Variants in FN1 observed in about 807,000 individuals in gnomAD.
FN1 encodes fibronectin 1.
FN1 carries 106 observed loss-of-function variants against 297.3 expected under a neutral mutation model. The observed-to-expected ratio is 0.36, with a 90% CI of 0.30 to 0.42. The LOEUF (loss-of-function observed/expected upper bound fraction) is 0.42, where lower values mean the gene tolerates loss of function less well. Among genes scored for constraint, FN1 ranks in the 10% least tolerant of loss-of-function variants. The pLI is 1.00. For synonymous variants in FN1, 1,149 were observed against 1,152.6 expected, an observed-to-expected ratio of 1.00 and a Z score of 0.06; for missense variants, 2,690 against 3,124.9, an observed-to-expected ratio of 0.86 and a Z score of 3.32.
chr2:215,376,218 C>A (rs562786307), intron 36 of FN1, among the ~76,000 whole-genome samples: 263 of 152,138 alleles, frequency 1.7e-3, no homozygotes, highest in Non-Finnish European at 2.8e-3. Context: ...TAGTTTTAAA[C>A]CTTATGTTAC....
At chr2:215,377,091 T>A (rs1255099331) in intron 35 of FN1, among the ~76,000 whole-genome samples, 5 of 151,732 alleles carry the variant, frequency 3.3e-5, no homozygotes, top group African/African-American at 7.3e-5. Flanking sequence ...AGTGTGTGTG[T>A]GTGTGTGTGT....
chr2:215,399,875 TAGA>T (rs2060788476), intron 20 of FN1, among the ~76,000 whole-genome samples: 1 of 152,156 alleles, frequency 6.6e-6, no homozygotes, highest in Non-Finnish European at 1.5e-5. Flanking sequence ...TGGTAAATTA[TAGA>T]AGGTGATCTA....
intron 25 of FN1, chr2:215,392,341 T>C (rs1203972473): frequency 5.5e-6 from 1 of 182,172 alleles, no homozygotes; most frequent in East Asian, 1.5e-4. Flanking sequence ...GCAGAGAACC[T>C]TTAAAATGTT....
chr2:215,386,564 A>ATC (rs2059023304), intron 28 of FN1, 125 bp downstream of exon 28: 1 of 731,636 alleles, frequency 1.4e-6, no homozygotes, highest in African/African-American at 2.0e-5. Context: ...CATGACAATG[A>ATC]TCTATTTTTT....
chr2:215,433,240 A>G, intron 3 of FN1, 84 bp downstream of exon 3: 1 of 1,544,760 alleles, frequency 6.5e-7, no homozygotes, highest in East Asian at 2.2e-5. Flanking sequence ...ATATCCAGTC[A>G]TGGATAACAG....
At chr2:215,377,672 T>A (rs1185674304) in intron 35 of FN1, among the ~76,000 whole-genome samples, 6 of 152,208 alleles carry the variant, frequency 3.9e-5, no homozygotes, top group Non-Finnish European at 8.8e-5. Context: ...CGGTATTTCT[T>A]TATAGTAATG....
intron 12 of FN1, among the ~76,000 whole-genome samples, chr2:215,418,401 G>A (rs544121301): frequency 3.9e-5 from 6 of 152,274 alleles, no homozygotes; most frequent in African/African-American, 1.2e-4. Flanking sequence ...TTATCACAGA[G>A]TTAATCTTAA....
rs776018313 is a variant in FN1, at chr2:215,424,239, T to C, written c.1123A>G (p.Thr375Ala). 2 of 1,614,150 alleles carry C rather than the reference T, an allele frequency of 1.2e-6. No homozygotes were observed. Among genetic ancestry groups the C allele is most frequent in the Non-Finnish European group, 1.7e-6 (2 of 1,179,962 alleles). Residue 375 changes from threonine (T) to alanine (A), a missense_variant, in exon 8 of 46, where the codon ACC becomes GCC. Thr to Ala is a moderately conservative substitution (Grantham distance 58). This residue lies in a region of FN1 where 876 missense variants were observed against 1,058.1 expected (regional missense o/e 0.83). Transcript: ENST00000354785. Reference protein sequence around the residue: ...TYNGRTFYSCTTEGRQDGHLW... With the variant: ...TYNGRTFYSCATEGRQDGHLW... ...TGTCCGTCCTGTCGCCCTTCTGTGG[T>C]GCAGGAGTAGAACGTCCTGCCATTG...
intron 5 of FN1, 31 bp from the exon 6 acceptor site, chr2:215,428,369 C>T (rs1366840031): frequency 6.2e-7 from 1 of 1,609,796 alleles, no homozygotes; most frequent in East Asian, 2.2e-5. Context: ...ATACATACAT[C>T]AGGTCGAGAG....
rs376212853 is a variant in FN1, at chr2:215,431,823, A to G, written c.547+10T>C. 5.5e-5 allele frequency: 88 copies of G among 1,613,890 alleles called. No individual in the cohort carries two copies. In the African/African-American group the frequency reaches 1.0e-3, roughly 19 times the overall value. ...ATCCCAGCTCTTGCTCAGCCCTAAG[A>G]CTCACACACCTATGGGCTTGCAGGT... On this transcript the variant is annotated intron_variant, in intron 4 of 45. Transcript: ENST00000354785.
Position 215,370,355 on chromosome 2 carries a change from C to T in FN1, c.6792G>A (p.Glu2264=). ...TATGCCTCTGCTGGTCTTTCAGTGC[C>T]TCCACTATGACGTTGTAGGTGGCAC... ...TRGATYNVIV[E]ALKDQQRHKV... Residue 2264 remains glutamate (E), a synonymous_variant, in exon 41 of 46, where the codon GAG becomes GAA. Transcript: ENST00000354785. The T allele has an allele frequency of 1.9e-6, 3 of 1,613,830 alleles. No individual in the cohort carries two copies. Among genetic ancestry groups the T allele is most frequent in the Non-Finnish European group, 2.5e-6 (3 of 1,179,926 alleles).
rs376141269 is a variant in FN1 at position 215,362,110 on chromosome 2, G to A, written c.7252-31C>T. On this transcript the variant is annotated intron_variant, in intron 44 of 45. Coordinates refer to ENST00000354785, the MANE Select transcript of FN1 (RefSeq NM_212482.4). ...AGAGTAGAGGCATGAAGTCAAATGGGGTTTATGATAACCTGAGGACATCGT... is the reference window on the plus strand; with the variant it reads ...AGAGTAGAGGCATGAAGTCAAATGGAGTTTATGATAACCTGAGGACATCGT... 132 of 1,521,078 alleles carry A rather than the reference G, an allele frequency of 8.7e-5. No homozygotes were observed. In the African/African-American group the frequency reaches 1.1e-3, roughly 13 times the overall value. The allele number at this position is 1,521,078 out of a possible 1,614,324, so 94.2% of individuals were successfully genotyped here.
intron 44 of FN1, chr2:215,363,131 G>C (rs1372473774): frequency 6.6e-6 from 1 of 152,166 alleles, no homozygotes; most frequent in Non-Finnish European, 1.5e-5. Context: ...CCTCCTTACA[G>C]AATCACTGAA....
chr2:215,401,297 A>C (rs1297144502), intron 20 of FN1, among the ~76,000 whole-genome samples: 1 of 146,240 alleles, frequency 6.8e-6, no homozygotes, highest in Admixed American at 6.8e-5. Context: ...AAAGAGAGAG[A>C]GAGAAAGGAA....
At chr2:215,418,949 A>T (rs2063810099) in intron 12 of FN1, among the ~76,000 whole-genome samples, 1 of 152,078 alleles carries the variant, frequency 6.6e-6, no homozygotes, top group African/African-American at 2.4e-5. Context: ...ATTTCCATGT[A>T]TGGATATAAG....
chr2:215,364,465 C>T (rs1054366718), intron 44 of FN1: 1 of 277,352 alleles, frequency 3.6e-6, no homozygotes, highest in Non-Finnish European at 7.0e-6. Context: ...TGGGGAGAAC[C>T]GGCTGAAATG....
At chr2:215,366,454 C>T (rs1483181413) in intron 42 of FN1, among the ~76,000 whole-genome samples, 1 of 152,088 alleles carries the variant, frequency 6.6e-6, no homozygotes, top group Non-Finnish European at 1.5e-5. Flanking sequence ...AAAAAATGAA[C>T]CCGGATAAAA....
At chr2:215,432,224 G>A (rs1418826664) in intron 3 of FN1, among the ~76,000 whole-genome samples, 1 of 152,122 alleles carries the variant, frequency 6.6e-6, no homozygotes, top group East Asian at 1.9e-4. Context: ...TTCCCAGAGA[G>A]ATCACAGGAA....
rs778459788 is a variant in FN1, at chr2:215,375,239, A to G, written c.6132T>C (p.Pro2044=). The G allele has an allele frequency of 5.0e-6, 8 of 1,614,150 alleles. No homozygotes were observed. In the Admixed American group the frequency reaches 8.3e-5, roughly 17 times the overall value. The change falls in exon 38 of 46, where the codon CCT becomes CCC. Residue 2044 remains proline (P), a synonymous_variant. Coordinates refer to ENST00000354785, the MANE Select transcript of FN1 (RefSeq NM_212482.4). The stretch of plus-strand genomic sequence containing the variant: ...CAGTAATAGTAGCCTCTGTGACACC[A>G]GGGCGGGGCCGAGGGACCACTTCTC... The part of the protein sequence containing the change: ...PPREVVPRPR[P]GVTEATITGL...
Sources: gnomAD v4.1 joint callset for allele counts (sites outside exome capture counted in the v4.1 genomes callset) on GRCh38, gnomAD v4.1.1 for gene constraint, gnomAD v4.1.1 regional missense constraint, MANE v1.5 for transcripts, NCBI Gene and HGNC (gene_info 2026-07-23, HGNC 2026-07-21) for gene names.